The following CCDC170 variants were observed in gnomAD, a reference collection of about 807,000 sequenced individuals.
The protein encoded by CCDC170 is coiled-coil domain containing 170, also known as coiled-coil domain-containing protein 170.
Under a neutral mutation model 72.6 loss-of-function variants are expected in CCDC170, and 69 were observed. That is an observed-to-expected ratio of 0.95 (90% CI 0.78 to 1.16). CCDC170 has a LOEUF of 1.16. CCDC170 is among the 50% of genes most tolerant of loss of function. The pLI, the probability that CCDC170 is intolerant of heterozygous loss-of-function variation, is 0.00. For synonymous variants in CCDC170, 300 were observed against 303.9 expected (o/e 0.99, Z 0.13); for missense variants, 852 against 832.5 (o/e 1.02, Z -0.29).
At chr6:151,535,086 C>T (rs1782555156) in intron 1 of CCDC170, among the ~76,000 whole-genome samples, 1 of 152,202 alleles carries the variant, frequency 6.6e-6, no homozygotes, top group Admixed American at 6.5e-5. Flanking sequence ...GTTCAGTCTG[C>T]AGCCCACAGG....
At chr6:151,579,309 C>T (rs558542239) in intron 6 of CCDC170, among the ~76,000 whole-genome samples, 1 of 152,188 alleles carries the variant, frequency 6.6e-6, no homozygotes, top group East Asian at 1.9e-4. Flanking sequence ...TTGATGTTCC[C>T]AAGAATAAGT....
chr6:151,500,214 T>C (rs928508153), intron 1 of CCDC170, among the ~76,000 whole-genome samples: 1 of 139,530 alleles, frequency 7.2e-6, no homozygotes, highest in East Asian at 2.0e-4. Context: ...TGGTTTGCTC[T>C]GTTTTTTTTT....
chr6:151,609,500 A>G (rs1353506941), intron 9 of CCDC170, among the ~76,000 whole-genome samples: 1 of 152,212 alleles, frequency 6.6e-6, no homozygotes, highest in Non-Finnish European at 1.5e-5. Context: ...ACCAGATTTT[A>G]AAATTCTTTT....
At chr6:151,592,223 G>T (rs1246911264) in intron 7 of CCDC170, among the ~76,000 whole-genome samples, 2 of 152,110 alleles carry the variant, frequency 1.3e-5, no homozygotes, top group East Asian at 1.9e-4. Context: ...AGCCAGGCAT[G>T]GTGGCACGTG....
intron 1 of CCDC170, among the ~76,000 whole-genome samples, chr6:151,518,521 T>C (rs1040302894): frequency 6.6e-6 from 1 of 152,172 alleles, no homozygotes; most frequent in Non-Finnish European, 1.5e-5. Context: ...GAAAGCAAGT[T>C]TATTAATAAA....
At chr6:151,564,311 G>A (rs2115077328) in intron 5 of CCDC170, among the ~76,000 whole-genome samples, 1 of 152,252 alleles carries the variant, frequency 6.6e-6, no homozygotes, top group South Asian at 2.1e-4. Flanking sequence ...CAAGAGCTTA[G>A]GGTGTGGTTG....
At chr6:151,551,404 C>A (rs2115061872) in intron 5 of CCDC170, among the ~76,000 whole-genome samples, 1 of 152,272 alleles carries the variant, frequency 6.6e-6, no homozygotes, top group East Asian at 1.9e-4. Flanking sequence ...CAAGCACATA[C>A]ATTTTTTTAT....
intron 5 of CCDC170, among the ~76,000 whole-genome samples, chr6:151,568,336 C>T (rs1013008182): frequency 6.6e-6 from 1 of 152,120 alleles, no homozygotes; most frequent in African/African-American, 2.4e-5. Context: ...TGCCAAACTT[C>T]AGGCTTGGTG....
chr6:151,557,961 G>A (rs960336601), intron 5 of CCDC170, among the ~76,000 whole-genome samples: 8 of 152,142 alleles, frequency 5.3e-5, no homozygotes, highest in African/African-American at 1.4e-4. Flanking sequence ...TCAGCTGGAC[G>A]TGGTGATACA....
intron 5 of CCDC170, among the ~76,000 whole-genome samples, chr6:151,569,522 C>T (rs1333033733): frequency 2.6e-5 from 4 of 152,238 alleles, no homozygotes; most frequent in Admixed American, 2.6e-4. Context: ...GTGATTTCCT[C>T]TGTGGAGGTC....
chr6:151,512,120 C>T (rs1782158554), intron 1 of CCDC170, among the ~76,000 whole-genome samples: 1 of 151,534 alleles, frequency 6.6e-6, no homozygotes, highest in Non-Finnish European at 1.5e-5. Context: ...GCTGGGATTA[C>T]AGGGGTAAGC....
In CCDC170 at chr6:151,596,656, C is replaced by T. The variant is rs117136962; in HGVS notation, c.1710+79C>T. ...TTATGCAAAAGAATGACAGCTTTAT[C>T]GGGACACGCCAGAAGAAGAAAGATG... is the stretch of plus-strand genomic sequence containing the variant. On this transcript the variant is annotated intron_variant, in intron 9 of 10. Transcript: ENST00000239374. 3.8e-4 allele frequency: 584 copies of T among 1,539,492 alleles called. 6 individuals are homozygous for T. The East Asian group carries it at 0.012, about 32-fold the overall frequency.
chr6:151,501,583 T>TACA, intron 1 of CCDC170, among the ~76,000 whole-genome samples: 2 of 152,352 alleles, frequency 1.3e-5, no homozygotes, highest in East Asian at 3.9e-4. Flanking sequence ...TAACATTTAG[T>TACA]TTCTCTTGGT....
chr6:151,585,135 A>G (rs183912508), intron 6 of CCDC170, among the ~76,000 whole-genome samples: 3 of 152,304 alleles, frequency 2.0e-5, no homozygotes, highest in Admixed American at 1.3e-4. Flanking sequence ...TAAGGGAATG[A>G]TCAGGACAAA....
chr6:151,542,979 G>A (rs1249764236), intron 3 of CCDC170, among the ~76,000 whole-genome samples: 1 of 152,128 alleles, frequency 6.6e-6, no homozygotes, highest in African/African-American at 2.4e-5. Context: ...GATATGCTTT[G>A]AGTATCTGCA....
chr6:151,573,612 T>G lies in CCDC170; in HGVS notation c.1092+121T>G, dbSNP rs570127394. 1.5e-4 allele frequency: 144 copies of G among 977,874 alleles called. No individual in the cohort carries two copies. In the Middle Eastern group the frequency reaches 2.0e-3, roughly 13 times the overall value. The allele number at this position is 977,874 out of a possible 1,614,324, so 60.6% of individuals were successfully genotyped here. On this transcript the variant is annotated intron_variant, in intron 6 of 10. Coordinates refer to ENST00000239374, the MANE Select transcript of CCDC170 (RefSeq NM_025059.4). ...ATAAGAAATACCCGAGACTGGGTAA[T>G]TTATAAAGACAAAGAGGTTTAATGG...
intron 1 of CCDC170, among the ~76,000 whole-genome samples, chr6:151,496,833 G>A (rs1207492596): frequency 1.3e-5 from 2 of 152,178 alleles, no homozygotes; most frequent in African/African-American, 4.8e-5. Context: ...TCTAAAACAT[G>A]GAATCATAAA....
At chr6:151,594,127 A>G (rs1296323086) in intron 8 of CCDC170, among the ~76,000 whole-genome samples, 1 of 152,242 alleles carries the variant, frequency 6.6e-6, no homozygotes, top group Non-Finnish European at 1.5e-5. Flanking sequence ...TATTAGTTAC[A>G]TAATTATTGG....
In CCDC170 at chr6:151,572,649, GTTT is replaced by G. The variant is rs1213267537; in HGVS notation, c.775-507_775-505del. ...TTTATATTTTATATCCCTTCTCTGT[GTTT>G]TTTTTTTTTTTTTTTTTGATGGAGT... On this transcript the variant is annotated intron_variant, in intron 5 of 10. Transcript: ENST00000239374. Among the ~76,000 whole-genome samples, 33 of 37,980 alleles carry G rather than the reference GTTT, an allele frequency of 8.7e-4. 2 individuals are homozygous for G. In the East Asian group the frequency reaches 0.019, roughly 22 times the overall value. The allele number at this position is 37,980 out of a possible 152,430, so 24.9% of individuals were successfully genotyped here. A position where few individuals can be genotyped will look rare whatever the true frequency, so the allele number is the denominator to read the frequency against.
Sources: gnomAD v4.1 joint callset for allele counts (sites outside exome capture counted in the v4.1 genomes callset) on GRCh38, gnomAD v4.1.1 for gene constraint, MANE v1.5 for transcripts, NCBI Gene and HGNC (gene_info 2026-07-23, HGNC 2026-07-21) for gene names.